Variants in BZW2 observed in about 807,000 individuals in gnomAD.
The protein encoded by BZW2 is eIF5-mimic protein 1.
A neutral mutation model predicts 53.2 loss-of-function variants in BZW2; 23 were observed. That is an observed-to-expected ratio of 0.43 (90% CI 0.31 to 0.61). BZW2 has a LOEUF of 0.61. Among genes scored for constraint, BZW2 ranks in the 20% least tolerant of loss-of-function variants. The probability of loss-of-function intolerance (pLI) is 0.09; values close to 1 mark genes in which losing one functional copy is unlikely to be tolerated. For missense variants in BZW2, 409 were observed against 503.1 expected (o/e 0.81, Z 1.79); for synonymous variants, 227 against 186.4 (o/e 1.22, Z -1.77).
At chr7:16,695,462 G>C (rs1048194145) in intron 8 of BZW2, among the ~76,000 whole-genome samples, 1 of 152,106 alleles carries the variant, frequency 6.6e-6, no homozygotes, top group Non-Finnish European at 1.5e-5. Context: ...TTGAATTCCT[G>C]TCATGGGAAA....
chr7:16,697,890 TC>T (rs1783549298), intron 9 of BZW2, 157 bp from the exon 10 acceptor site: 1 of 809,596 alleles, frequency 1.2e-6, no homozygotes, highest in African/African-American at 1.7e-5. Flanking sequence ...ACTGTTCTGT[TC>T]CCCTCACCCC....
intron 1 of BZW2, chr7:16,662,187 A>G (rs1393016352): frequency 6.6e-6 from 1 of 152,148 alleles, no homozygotes; most frequent in Non-Finnish European, 1.5e-5. Context: ...TGCTCCAAAT[A>G]GTAACAGCTA....
chr7:16,684,596 C>T (rs1054811089), intron 5 of BZW2, among the ~76,000 whole-genome samples: 4 of 151,996 alleles, frequency 2.6e-5, no homozygotes, highest in African/African-American at 9.7e-5. Context: ...TTATTATTCT[C>T]GTTTAAATGT....
chr7:16,685,063 C>T (rs1345358592), intron 5 of BZW2, among the ~76,000 whole-genome samples: 3 of 152,134 alleles, frequency 2.0e-5, no homozygotes, highest in Non-Finnish European at 4.4e-5. Context: ...CATGGCAAGC[C>T]TAATAACTGC....
intron 4 of BZW2, among the ~76,000 whole-genome samples, chr7:16,681,751 G>C (rs1583730513): frequency 6.6e-6 from 1 of 152,186 alleles, no homozygotes; most frequent in Non-Finnish European, 1.5e-5. Flanking sequence ...AGGATCACTT[G>C]AACCCAGAAG....
intron 1 of BZW2, among the ~76,000 whole-genome samples, chr7:16,664,134 T>C (rs1302699419): frequency 6.6e-6 from 1 of 151,964 alleles, no homozygotes; most frequent in Non-Finnish European, 1.5e-5. Flanking sequence ...TCCATAACAG[T>C]CCAGCAACTT....
chr7:16,656,823 G>T (rs1426531182), intron 1 of BZW2, among the ~76,000 whole-genome samples: 3 of 152,094 alleles, frequency 2.0e-5, no homozygotes, highest in African/African-American at 7.2e-5. Context: ...GTATTTTTTT[G>T]AATGGGTTAT....
chr7:16,662,164 G>T (rs1254293318), intron 1 of BZW2: 1 of 152,130 alleles, frequency 6.6e-6, no homozygotes, highest in Non-Finnish European at 1.5e-5. Context: ...AATTTAGAGG[G>T]AAGTGGGGCC....
intron 7 of BZW2, among the ~76,000 whole-genome samples, chr7:16,692,855 A>C (rs1003801531): frequency 2.0e-5 from 3 of 152,214 alleles, no homozygotes; most frequent in African/African-American, 7.2e-5. Context: ...CTCTGTGATA[A>C]GATGACATTG....
At chr7:16,677,659 C>T (rs1437333506) in intron 3 of BZW2, among the ~76,000 whole-genome samples, 2 of 152,156 alleles carry the variant, frequency 1.3e-5, no homozygotes, top group African/African-American at 4.8e-5. Flanking sequence ...AAGAGACAAA[C>T]TTAACAAGGA....
intron 3 of BZW2, among the ~76,000 whole-genome samples, chr7:16,677,344 G>T (rs992756913): frequency 2.0e-5 from 3 of 152,134 alleles, no homozygotes; most frequent in African/African-American, 7.2e-5. Flanking sequence ...TTCCCAGCTA[G>T]GCTTAGGGAT....
intron 3 of BZW2, among the ~76,000 whole-genome samples, chr7:16,678,575 TA>T (rs1329358751): frequency 6.6e-6 from 1 of 152,206 alleles, no homozygotes; most frequent in African/African-American, 2.4e-5. Flanking sequence ...AATGTAACTT[TA>T]AAAAACATAC....
chr7:16,697,163 C>T (rs568686105), intron 9 of BZW2, 102 bp downstream of exon 9: 35 of 1,368,532 alleles, frequency 2.6e-5, no homozygotes, highest in Non-Finnish European at 3.2e-5. Flanking sequence ...GATCTGCGCT[C>T]ACTGCAACTT....
At chr7:16,675,470 A>G (rs1210122477) in intron 3 of BZW2, among the ~76,000 whole-genome samples, 1 of 152,128 alleles carries the variant, frequency 6.6e-6, no homozygotes, top group Non-Finnish European at 1.5e-5. Flanking sequence ...AAGCCAGCCT[A>G]CCTTGGCTTT....
chr7:16,688,044 C>G (rs1783185080), intron 6 of BZW2, among the ~76,000 whole-genome samples: 1 of 147,430 alleles, frequency 6.8e-6, no homozygotes, highest in African/African-American at 2.5e-5. Flanking sequence ...TTTTTTTTAA[C>G]TTAGTTTCTT....
chr7:16,697,859 C>T (rs1783548006), intron 9 of BZW2, 189 bp from the exon 10 acceptor site: 2 of 593,832 alleles, frequency 3.4e-6, no homozygotes, highest in Non-Finnish European at 5.7e-6. Flanking sequence ...CCTCACAGGT[C>T]GACTATACTG....
chr7:16,700,271 C>T (rs922835608), intron 10 of BZW2, among the ~76,000 whole-genome samples: 2 of 152,168 alleles, frequency 1.3e-5, no homozygotes, highest in African/African-American at 4.8e-5. Context: ...AACATGCAAT[C>T]CCTGAGGAAT....
At chr7:16,678,382 A>G (rs1328693895) in intron 3 of BZW2, among the ~76,000 whole-genome samples, 1 of 152,004 alleles carries the variant, frequency 6.6e-6, no homozygotes, top group Non-Finnish European at 1.5e-5. Context: ...TGGTCTTTCA[A>G]TATTACCCTT....
intron 3 of BZW2, among the ~76,000 whole-genome samples, 182 bp from the exon 4 acceptor site, chr7:16,681,119 G>GA (rs889955393): frequency 6.6e-6 from 1 of 151,984 alleles, no homozygotes; most frequent in African/African-American, 2.4e-5. Context: ...CAAAAAAAAG[G>GA]AAAAAATGTA....
Sources: allele counts gnomAD v4.1 joint callset (sites outside exome capture counted in the v4.1 genomes callset), GRCh38; gene constraint gnomAD v4.1.1; transcripts MANE v1.5; gene names NCBI Gene and HGNC (gene_info 2026-07-23, HGNC 2026-07-21).